The following GALNT9 variants were observed in gnomAD, a reference collection of about 807,000 sequenced individuals.
GALNT9 encodes polypeptide N-acetylgalactosaminyltransferase 9.
Under a neutral mutation model 63.1 loss-of-function variants are expected in GALNT9, and 47 were observed. That is an observed-to-expected ratio of 0.75 (90% CI 0.59 to 0.95). GALNT9 has a LOEUF of 0.95. GALNT9 is among the 40% of genes least tolerant of loss of function. GALNT9 has a pLI of 0.00. For missense variants in GALNT9, 829 were observed against 874.8 expected (o/e 0.95, Z 0.66); for synonymous variants, 396 against 365.7 (o/e 1.08, Z -0.94).
rs782019709 is a variant in GALNT9 at position 132,286,228 on chromosome 12, T to TG, written c.419+21dup. 2.2e-5 allele frequency: 32 copies of TG among 1,463,608 alleles called. 1 individual carries two copies. In the Middle Eastern group the frequency reaches 7.1e-4, roughly 33 times the overall value. The allele number at this position is 1,463,608 out of a possible 1,614,324, so 90.7% of individuals were successfully genotyped here. On this transcript the variant is annotated intron_variant, in intron 2 of 10. Transcript: ENST00000328957. The surrounding 1 kb of genome is among the most constrained non-coding windows in gnomAD (Gnocchi z 7.4). Reference sequence around the variant, plus strand: ...CACTTCCTCGGCGGGCGTCGGGGGATGGGGGGCAGTCACTCACTCACTTTC... The same window carrying TG: ...CACTTCCTCGGCGGGCGTCGGGGGATGGGGGGGCAGTCACTCACTCACTTTC...
intron 4 of GALNT9, among the ~76,000 whole-genome samples, chr12:132,259,322 G>A (rs556085895): frequency 1.3e-5 from 2 of 152,338 alleles, no homozygotes; most frequent in South Asian, 2.1e-4. Flanking sequence ...GAGCTTACCC[G>A]GCATCAGAGG....
chr12:132,329,405 C>T lies in GALNT9; in HGVS notation c.-202G>A, dbSNP rs1197740271. The T allele has an allele frequency of 3.2e-6, 2 of 631,624 alleles. No individual in the cohort carries two copies. Among genetic ancestry groups the T allele is most frequent in the African/African-American group, 3.8e-5 (2 of 52,008 alleles). 39.1% of individuals were successfully genotyped at this position (631,624 alleles called of 1,614,324 possible). On this transcript the variant is annotated 5_prime_UTR_variant, in exon 1 of 11. Transcript: ENST00000328957. Reference sequence around the variant, plus strand: ...GTCCCCCAGAGCGCAGAGGGCTGCCCGGGGCTGGGGTCGCGGGGCGCGGCC... The same window carrying T: ...GTCCCCCAGAGCGCAGAGGGCTGCCTGGGGCTGGGGTCGCGGGGCGCGGCC...
chr12:132,285,800 C>T (rs1880561782), intron 2 of GALNT9, among the ~76,000 whole-genome samples: 1 of 152,116 alleles, frequency 6.6e-6, no homozygotes, highest in Non-Finnish European at 1.5e-5. Flanking sequence ...AGGATGCCCG[C>T]AGCCAAAAGT....
rs1320777854 is a variant in GALNT9 at position 132,240,879 on chromosome 12, C to G, written c.1077+7031G>C. 6.9e-4 allele frequency among the ~76,000 whole-genome samples: 97 copies of G among 141,116 alleles called. No homozygotes were observed. The East Asian group carries it at 7.9e-3, about 11-fold the overall frequency. 92.6% of individuals were successfully genotyped at this position (141,116 alleles called of 152,430 possible). A position where few individuals can be genotyped will look rare whatever the true frequency, so the allele number is the denominator to read the frequency against. ...CCCCTTCCCAGGGCCGTCCCTATAC[C>G]CATTACACACACACCACACACCCTT... On this transcript the variant is annotated intron_variant, in intron 6 of 10. Coordinates refer to ENST00000328957, the MANE Select transcript of GALNT9 (RefSeq NM_001122636.2).
intron 9 of GALNT9, 127 bp downstream of exon 9, chr12:132,199,047 A>G: frequency 3.2e-6 from 2 of 619,374 alleles, no homozygotes; most frequent in Non-Finnish European, 5.7e-6. Context: ...CAAGCCCTGG[A>G]ATGCAGCCCT....
chr12:132,262,951 C>A (rs926095294), intron 2 of GALNT9, among the ~76,000 whole-genome samples: 1 of 152,176 alleles, frequency 6.6e-6, no homozygotes, highest in Non-Finnish European at 1.5e-5. Flanking sequence ...ACACAGCACT[C>A]AGCACACACA....
At chr12:132,198,913 C>T (rs1394906321) in intron 9 of GALNT9, among the ~76,000 whole-genome samples, 1 of 152,138 alleles carries the variant, frequency 6.6e-6, no homozygotes, top group Non-Finnish European at 1.5e-5. Context: ...GGCCTCCCAT[C>T]GTGCTGAGAT....
rs56230344 is a variant in GALNT9, at chr12:132,282,063, C to G, written c.419+4187G>C. Among the ~76,000 whole-genome samples the G allele has an allele frequency of 1.2e-4, 16 of 134,626 alleles. No individual in the cohort carries two copies. The highest frequency in any genetic ancestry group is 4.4e-4 in the East Asian group (2 of 4,508). 88.3% of individuals were successfully genotyped at this position (134,626 alleles called of 152,430 possible). On this transcript the variant is annotated intron_variant, in intron 2 of 10. Coordinates refer to ENST00000328957, the MANE Select transcript of GALNT9 (RefSeq NM_001122636.2). The surrounding 1 kb of genome is among the most constrained non-coding windows in gnomAD (Gnocchi z 4.5). ...GAGGAATCAGCTCCACTGCAGCAAG[C>G]CCAGGCCTGGGGGTCCCTGATCCCA...
At position 132,245,647 on chromosome 12, in the gene GALNT9, A is replaced by G. The variant is rs1011993023; in HGVS notation, c.1077+2263T>C. ...CAGGGCCCTCCGTGGTCCAGCACCC[A>G]CACCCCCAGCCCGGCCTGCTGACCC... On this transcript the variant is annotated intron_variant, in intron 6 of 10. Transcript: ENST00000328957. This position sits in a 1 kb window ranked among gnomAD's most constrained non-coding sequence, Gnocchi z 6.3. Among the ~76,000 whole-genome samples, 4 of 151,100 alleles carry G rather than the reference A, an allele frequency of 2.6e-5. No individual in the cohort carries two copies. Among genetic ancestry groups the G allele is most frequent in the African/African-American group, 9.8e-5 (4 of 40,942 alleles).
At chr12:132,272,037 G>A (rs529475630) in intron 2 of GALNT9, among the ~76,000 whole-genome samples, 2 of 152,332 alleles carry the variant, frequency 1.3e-5, no homozygotes, top group South Asian at 2.1e-4. Context: ...GAGGGCGGGG[G>A]GAGGAGGAGA....
chr12:132,204,149 T>A (rs1876459219), intron 6 of GALNT9, among the ~76,000 whole-genome samples: 1 of 119,716 alleles, frequency 8.4e-6, no homozygotes, highest in South Asian at 2.9e-4. Context: ...ACACACACAA[T>A]CAAAAGCCCA....
chr12:132,295,070 T>G (rs1555243108), intron 1 of GALNT9, among the ~76,000 whole-genome samples: 2 of 152,238 alleles, frequency 1.3e-5, no homozygotes, highest in Admixed American at 1.3e-4. Flanking sequence ...CACTGTGGGA[T>G]GGAGCCACCA....
intron 6 of GALNT9, among the ~76,000 whole-genome samples, chr12:132,206,423 G>A (rs113193253): frequency 6.9e-6 from 1 of 145,390 alleles, no homozygotes; most frequent in East Asian, 2.0e-4. Flanking sequence ...CGAGGTGGGT[G>A]GATCACTTGA....
intron 1 of GALNT9, among the ~76,000 whole-genome samples, chr12:132,297,078 A>G (rs1881100700): frequency 6.6e-6 from 1 of 151,540 alleles, no homozygotes; most frequent in Admixed American, 6.6e-5. Context: ...AAGATGACCA[A>G]CTCACTCCCG....
chr12:132,203,492 G>GTGGGGGAC lies in GALNT9; in HGVS notation c.1263+5_1263+12dup, dbSNP rs768423487. ...GGGGCATGGCCCCGGCTCCCGGCCT[G>GTGGGGGAC]TGGGGGACTCACCGACATGGGGATG... On this transcript the variant is annotated intron_variant, in intron 7 of 10. Coordinates refer to ENST00000328957, the MANE Select transcript of GALNT9 (RefSeq NM_001122636.2). 24 of 1,613,028 alleles carry GTGGGGGAC rather than the reference G, an allele frequency of 1.5e-5. No homozygotes were observed. In the Admixed American group the frequency reaches 3.8e-4, roughly 26 times the overall value.
chr12:132,262,315 G>A (rs1879421647), intron 3 of GALNT9, 144 bp downstream of exon 3: 1 of 1,129,084 alleles, frequency 8.9e-7, no homozygotes, highest in East Asian at 2.7e-5. Flanking sequence ...AAGGCAGGAG[G>A]GACCCCCATA....
chr12:132,270,952 G>T lies in GALNT9; in HGVS notation c.420-8327C>A, dbSNP rs191392392. Among the ~76,000 whole-genome samples, 228 of 152,116 alleles carry T rather than the reference G, an allele frequency of 1.5e-3. 1 individual carries two copies. The highest frequency in any genetic ancestry group is 2.6e-3 in the Non-Finnish European group (180 of 67,984). On this transcript the variant is annotated intron_variant, in intron 2 of 10. Transcript: ENST00000328957. The stretch of plus-strand genomic sequence containing the variant: ...AGGAGATGGAGCAGAGAGACAGCGA[G>T]GGGGAGAAAGGAGGGAAGGAGGAGA...
chr12:132,214,473 G>A (rs1456015372), intron 6 of GALNT9, among the ~76,000 whole-genome samples: 2 of 152,036 alleles, frequency 1.3e-5, no homozygotes, highest in Admixed American at 6.6e-5. Context: ...ACCAGGCAAC[G>A]AGAGTCCACG....
chr12:132,306,888 G>A (rs896482238), intron 1 of GALNT9, among the ~76,000 whole-genome samples: 4 of 152,174 alleles, frequency 2.6e-5, no homozygotes, highest in African/African-American at 7.2e-5. Flanking sequence ...CCCATGACCC[G>A]AGGGAGCGCA....
Sources: gnomAD v4.1 joint callset for allele counts (sites outside exome capture counted in the v4.1 genomes callset) on GRCh38, gnomAD v4.1.1 for gene constraint, Gnocchi (gnomAD v3.1) non-coding constraint, MANE v1.5 for transcripts, NCBI Gene and HGNC (gene_info 2026-07-23, HGNC 2026-07-21) for gene names.